Variants in C11orf65 observed in about 807,000 individuals in gnomAD.
C11orf65 encodes chromosome 11 open reading frame 65, also known as protein MFI.
Under a neutral mutation model 35.3 loss-of-function variants are expected in C11orf65, and 38 were observed. That is an observed-to-expected ratio of 1.08 (90% CI 0.83 to 1.41). The LOEUF (loss-of-function observed/expected upper bound fraction) is 1.41. Among genes scored for constraint, C11orf65 ranks in the 40% most tolerant of loss-of-function variants. The pLI is 0.00. For synonymous variants in C11orf65, 105 were observed against 114.4 expected, an observed-to-expected ratio of 0.92 and a Z score of 0.53; for missense variants, 370 against 367.1, an observed-to-expected ratio of 1.01 and a Z score of -0.06.
Position 108,316,906 on chromosome 11 carries a change from A to G in C11orf65, c.641-7835T>C, listed in dbSNP as rs573195051. Among the ~76,000 whole-genome samples, 45 of 152,130 alleles carry G rather than the reference A, an allele frequency of 3.0e-4. 1 individual carries two copies. In the South Asian group the frequency reaches 9.1e-3, roughly 31 times the overall value. ...GCGCCACTGCACTCCAGCCTGGGCAATAGAGCGAGACTCCATCTCAAAAAT... is the reference window on the plus strand; with the variant it reads ...GCGCCACTGCACTCCAGCCTGGGCAGTAGAGCGAGACTCCATCTCAAAAAT... On this transcript the variant is annotated intron_variant, in intron 6 of 6. Coordinates refer to the C11orf65 transcript ENST00000525729.
intron 2 of C11orf65, among the ~76,000 whole-genome samples, chr11:108,340,558 T>C (rs2087428566): frequency 6.6e-6 from 1 of 152,216 alleles, no homozygotes; most frequent in Non-Finnish European, 1.5e-5. Flanking sequence ...TTACCACCCC[T>C]GCTATTACCA....
exon 7 of C11orf65, chr11:108,308,966 C>T: frequency 6.7e-7 from 1 of 1,501,162 alleles, no homozygotes; most frequent in South Asian, 1.2e-5. Flanking sequence ...TCATTCATTT[C>T]AGACTTACCA....
chr11:108,410,268 T>G (rs560099745), intron 3 of C11orf65, among the ~76,000 whole-genome samples: 2 of 152,214 alleles, frequency 1.3e-5, no homozygotes, highest in Non-Finnish European at 2.9e-5. Flanking sequence ...TAGCTCATTG[T>G]AGTTTTTAAT....
chr11:108,450,751 G>T (rs2093336773), intron 2 of C11orf65, among the ~76,000 whole-genome samples: 1 of 151,354 alleles, frequency 6.6e-6, no homozygotes, highest in African/African-American at 2.4e-5. Context: ...TTGTGCACAT[G>T]TACCCTAAAA....
chr11:108,405,191 T>G (rs2092517905), intron 6 of C11orf65, among the ~76,000 whole-genome samples: 1 of 152,162 alleles, frequency 6.6e-6, no homozygotes, highest in South Asian at 2.1e-4. Flanking sequence ...CCTAGCTGAT[T>G]GGGGCCAGCT....
chr11:108,340,033 C>T (rs993138078), intron 2 of C11orf65: 2 of 152,134 alleles, frequency 1.3e-5, no homozygotes, highest in African/African-American at 4.8e-5. Flanking sequence ...TGCCCTAGTC[C>T]TTAAGGTGTT....
intron 6 of C11orf65, among the ~76,000 whole-genome samples, chr11:108,309,406 A>T (rs567244359): frequency 2.6e-5 from 4 of 152,172 alleles, no homozygotes; most frequent in Non-Finnish European, 5.9e-5. Context: ...GCATTATTTA[A>T]TTGTTGCACC....
chr11:108,315,260 G>C (rs1047299941), intron 6 of C11orf65, among the ~76,000 whole-genome samples: 14 of 152,162 alleles, frequency 9.2e-5, no homozygotes, highest in Non-Finnish European at 1.9e-4. Context: ...TATTACAATA[G>C]TACAATATGT....
chr11:108,418,658 A>C (rs2092774662), intron 3 of C11orf65, among the ~76,000 whole-genome samples: 1 of 152,114 alleles, frequency 6.6e-6, no homozygotes, highest in African/African-American at 2.4e-5. Flanking sequence ...TAAACAGCAG[A>C]AAATGATGAG....
At chr11:108,312,232 A>G (rs1328850532) in intron 6 of C11orf65, among the ~76,000 whole-genome samples, 2 of 152,224 alleles carry the variant, frequency 1.3e-5, no homozygotes, top group African/African-American at 2.4e-5. Context: ...TATAATTTTC[A>G]TTCACAAATT....
At chr11:108,423,954 A>G (rs2092860509) in intron 3 of C11orf65, among the ~76,000 whole-genome samples, 2 of 152,312 alleles carry the variant, frequency 1.3e-5, no homozygotes, top group East Asian at 3.9e-4. Context: ...ATGAGGAAAA[A>G]CAGGCACTAA....
chr11:108,358,394 T>C (rs1408811065), intron 2 of C11orf65, among the ~76,000 whole-genome samples: 2 of 147,784 alleles, frequency 1.4e-5, no homozygotes, highest in East Asian at 4.0e-4. Context: ...CAGGAGAACT[T>C]CCCCAATCTA....
At chr11:108,309,130 G>T in intron 6 of C11orf65, 2 of 954,374 alleles carry the variant, frequency 2.1e-6, no homozygotes, top group Non-Finnish European at 3.2e-6. Context: ...TCAAGTCCAA[G>T]CTTGTGCTGT....
At chr11:108,461,385 G>C (rs1392071098) in intron 2 of C11orf65, 94 bp downstream of exon 2, 1 of 941,714 alleles carries the variant, frequency 1.1e-6, no homozygotes, top group Non-Finnish European at 1.7e-6. Flanking sequence ...AGGCAACAGA[G>C]AGAGATTCTG....
chr11:108,354,999 A>G (rs2089723672), intron 2 of C11orf65: 1 of 813,758 alleles, frequency 1.2e-6, no homozygotes, highest in Admixed American at 2.0e-5. Flanking sequence ...GCTGGGCAGC[A>G]GAAAGGAGGA....
At chr11:108,362,562 A>G (rs1425483145) in intron 2 of C11orf65, among the ~76,000 whole-genome samples, 1 of 146,760 alleles carries the variant, frequency 6.8e-6, no homozygotes, top group Non-Finnish European at 1.5e-5. Flanking sequence ...ATGTCCAACA[A>G]TGATAGACTG....
intron 3 of C11orf65, among the ~76,000 whole-genome samples, chr11:108,424,947 T>G (rs1448102597): frequency 6.6e-6 from 1 of 152,134 alleles, no homozygotes; most frequent in Non-Finnish European, 1.5e-5. Context: ...AATAAGTTAT[T>G]TGAAACCAAT....
intron 2 of C11orf65, among the ~76,000 whole-genome samples, chr11:108,435,285 C>T (rs1467459892): frequency 6.6e-6 from 1 of 151,868 alleles, no homozygotes; most frequent in East Asian, 1.9e-4. Flanking sequence ...CTGATACTGC[C>T]ACCTGACCAT....
chr11:108,434,878 A>G (rs2093040108), intron 2 of C11orf65, among the ~76,000 whole-genome samples: 1 of 152,174 alleles, frequency 6.6e-6, no homozygotes, highest in South Asian at 2.1e-4. Flanking sequence ...AGTGTAGCAC[A>G]CCAATGGGCC....
Sources: gnomAD v4.1 joint callset for allele counts (sites outside exome capture counted in the v4.1 genomes callset) on GRCh38, gnomAD v4.1.1 for gene constraint, MANE v1.5 for transcripts, NCBI Gene and HGNC (gene_info 2026-07-23, HGNC 2026-07-21) for gene names.